The following AHCY variants were observed in gnomAD, a reference collection of about 807,000 sequenced individuals.
The protein encoded by AHCY is S-adenosyl-L-homocysteine hydrolase.
A neutral mutation model predicts 45.4 loss-of-function variants in AHCY; 24 were observed. The ratio of observed to expected loss-of-function variants is 0.53; its 90% confidence interval spans 0.38 to 0.74. The LOEUF is 0.74. Ranked by LOEUF, AHCY falls within the 30% of genes least tolerant of loss-of-function variation. The pLI is 0.00. For missense variants in AHCY, 449 were observed against 594.1 expected (o/e 0.76, Z 2.54); for synonymous variants, 245 against 235.1 (o/e 1.04, Z -0.39).
chr20:34,258,698 A>ATATATATATATATATATATATAC, the AHCY span, among the ~76,000 whole-genome samples: 1 of 62,046 alleles, frequency 1.6e-5, no homozygotes, highest in African/African-American at 8.8e-5. Context: ...TATACATACT[A>ATATATATATATATATATATATAC]TATATATATA....
At chr20:34,309,574 C>T (rs2036927773) in intron 1 of AHCY, among the ~76,000 whole-genome samples, 1 of 152,070 alleles carries the variant, frequency 6.6e-6, no homozygotes. Context: ...CCGAGGCTGG[C>T]AGATCACAAG....
Position 34,298,530 on chromosome 20 carries a change from G to A in AHCY, c.29-2945C>T, listed in dbSNP as rs568053269. Among the ~76,000 whole-genome samples, 129 of 151,430 alleles carry A rather than the reference G, an allele frequency of 8.5e-4. 1 individual carries two copies. The highest frequency in any genetic ancestry group is 1.3e-3 in the Admixed American group (20 of 15,150). The stretch of plus-strand genomic sequence containing the variant: ...TCTGGGAAGACGCCCGTTACCAGGC[G>A]GATCGTGGTCCAGCGGTAGCAAAAG... On this transcript the variant is annotated intron_variant, in intron 1 of 9. Transcript: ENST00000217426.
chr20:34,296,559 A>G (rs1441679803), intron 1 of AHCY, among the ~76,000 whole-genome samples: 2 of 152,192 alleles, frequency 1.3e-5, no homozygotes, highest in Non-Finnish European at 2.9e-5. Context: ...GGCAGGAAAG[A>G]AGGATATTAT....
the AHCY span, among the ~76,000 whole-genome samples, chr20:34,266,268 C>T: frequency 1.3e-5 from 2 of 151,886 alleles, no homozygotes; most frequent in Admixed American, 6.6e-5. Flanking sequence ...AGGAGAATGG[C>T]GTGAACCCGG....
Position 34,281,221 on chromosome 20 carries a change from C to T in AHCY, c.1168-56G>A, listed in dbSNP as rs189623583. ...AGTGCCATTTTCTGGGACCCCTACA[C>T]GCGTCTGGCTGCCAATAGAGGCAGA... is the stretch of plus-strand genomic sequence containing the variant. On this transcript the variant is annotated intron_variant, in intron 9 of 9. Coordinates refer to ENST00000217426, the MANE Select transcript of AHCY (RefSeq NM_000687.4). 2.5e-5 allele frequency: 41 copies of T among 1,607,858 alleles called. 1 individual carries two copies. In the South Asian group the frequency reaches 2.9e-4, roughly 11 times the overall value.
intron 1 of AHCY, among the ~76,000 whole-genome samples, chr20:34,310,174 C>A: frequency 6.6e-6 from 1 of 152,110 alleles, no homozygotes; most frequent in Middle Eastern, 3.2e-3. Flanking sequence ...CTGCCTCAGC[C>A]TCCCAAGTAG....
At chr20:34,303,091 A>T (rs1265234949) in intron 1 of AHCY, 152 bp downstream of exon 1, 41 of 1,469,800 alleles carry the variant, frequency 2.8e-5, no homozygotes, top group Non-Finnish European at 3.7e-5. Context: ...CGAGAACTCC[A>T]ACTTCCAGCT....
At chr20:34,276,457 C>T (rs1381381035), downstream of AHCY, among the ~76,000 whole-genome samples, 1 of 152,086 alleles carries the variant, frequency 6.6e-6, no homozygotes, top group African/African-American at 2.4e-5. Context: ...GGGAGGCACC[C>T]ACCTCTCTAT....
chr20:34,287,406 T>C lies in AHCY; in HGVS notation c.973-1772A>G, dbSNP rs868564207. Among the ~76,000 whole-genome samples the C allele has an allele frequency of 4.1e-3, 441 of 108,466 alleles. 2 individuals carry two copies. The highest frequency in any genetic ancestry group is 0.012 in the African/African-American group (419 of 35,318). The allele number at this position is 108,466 out of a possible 152,430, so 71.2% of individuals were successfully genotyped here. ...TATTAATTTTTTTTTTTTTTTTTTT[T>C]CTGAGACGGAGTCTTACTCTGTCAT... is the stretch of plus-strand genomic sequence containing the variant. On this transcript the variant is annotated intron_variant, in intron 8 of 9. Coordinates refer to ENST00000217426, the MANE Select transcript of AHCY (RefSeq NM_000687.4).
chr20:34,258,697 T>TATATATATATATATATACACAC, the AHCY span, among the ~76,000 whole-genome samples: 1 of 13,134 alleles, frequency 7.6e-5, no homozygotes, highest in Non-Finnish European at 2.9e-4. Context: ...ATATACATAC[T>TATATATATATATATATACACAC]ATATATATAT....
At chr20:34,257,153 A>G in the AHCY span, among the ~76,000 whole-genome samples, 1 of 147,586 alleles carries the variant, frequency 6.8e-6, no homozygotes, top group Admixed American at 6.9e-5. Context: ...GTACGATCTC[A>G]GCTCACTGCA....
At chr20:34,257,203 C>T in the AHCY span, among the ~76,000 whole-genome samples, 1 of 152,004 alleles carries the variant, frequency 6.6e-6, no homozygotes, top group African/African-American at 2.4e-5. Context: ...CCTGCCTCAG[C>T]CTCCTGAGTA....
chr20:34,251,064 G>C, the AHCY span, among the ~76,000 whole-genome samples: 1 of 152,006 alleles, frequency 6.6e-6, no homozygotes, highest in Non-Finnish European at 1.5e-5. Context: ...AATTGCACTG[G>C]ACCTGTACAA....
At chr20:34,299,916 G>A (rs2122812665) in intron 1 of AHCY, among the ~76,000 whole-genome samples, 1 of 152,308 alleles carries the variant, frequency 6.6e-6, no homozygotes, top group South Asian at 2.1e-4. Context: ...GGGCGCGGTG[G>A]CTCACAGCCT....
At chr20:34,270,959 GT>G in the AHCY span, among the ~76,000 whole-genome samples, 14 of 147,354 alleles carry the variant, frequency 9.5e-5, no homozygotes, top group South Asian at 2.9e-3. Context: ...GGCCCAGCCA[GT>G]TCTTGCTTTT....
At chr20:34,264,973 T>C in the AHCY span, among the ~76,000 whole-genome samples, 3 of 151,884 alleles carry the variant, frequency 2.0e-5, no homozygotes, top group African/African-American at 7.3e-5. Context: ...TTTTTGTATT[T>C]TCAGTAGAGA....
the AHCY span, among the ~76,000 whole-genome samples, chr20:34,258,251 T>G: frequency 6.6e-6 from 1 of 152,030 alleles, no homozygotes; most frequent in Non-Finnish European, 1.5e-5. Context: ...TCATGATTCT[T>G]ACAATCTAGA....
chr20:34,280,265 T>G (rs1344547453), downstream of AHCY: 1 of 152,342 alleles, frequency 6.6e-6, no homozygotes, highest in Non-Finnish European at 1.5e-5. Context: ...AGGCTCAAAA[T>G]TCTTCCAGGC....
At chr20:34,287,634 C>T (rs1601649187) in intron 8 of AHCY, among the ~76,000 whole-genome samples, 1 of 152,090 alleles carries the variant, frequency 6.6e-6, no homozygotes, top group East Asian at 1.9e-4. Flanking sequence ...TCAAGTGATC[C>T]GCCTGCCTCG....
Sources: allele counts gnomAD v4.1 joint callset (sites outside exome capture counted in the v4.1 genomes callset), GRCh38; gene constraint gnomAD v4.1.1; transcripts MANE v1.5; gene names NCBI Gene and HGNC (gene_info 2026-07-23, HGNC 2026-07-21).